Variants in CTNNA2 observed in about 807,000 individuals in gnomAD.
The protein encoded by CTNNA2 is catenin alpha 2.
A neutral mutation model predicts 101.0 loss-of-function variants in CTNNA2; 42 were observed. The ratio of observed to expected loss-of-function variants is 0.42; its 90% CI spans 0.32 to 0.54. CTNNA2 has a LOEUF of 0.54. CTNNA2 is among the 20% of genes least tolerant of loss of function. The pLI, the probability that CTNNA2 is intolerant of heterozygous loss-of-function variation, is 0.14. For missense variants in CTNNA2, 871 were observed against 1,223.1 expected (o/e 0.71, Z 4.29); for synonymous variants, 450 against 456.4 (o/e 0.99, Z 0.18).
At chr2:80,083,334 G>T (rs559318068) in intron 7 of CTNNA2, among the ~76,000 whole-genome samples, 1 of 152,224 alleles carries the variant, frequency 6.6e-6, no homozygotes, top group African/African-American at 2.4e-5. Context: ...CGGGAACATT[G>T]TTTTAATCTA....
rs539910600 is a variant in CTNNA2 at position 80,387,326 on chromosome 2, A to G, written c.1057-5885A>G. On this transcript the variant is annotated intron_variant, in intron 7 of 18. Coordinates refer to ENST00000402739, the MANE Select transcript of CTNNA2 (RefSeq NM_001282597.3). Reference sequence around the variant, plus strand: ...AATACTCATTTTCAGAGATTTATAAATTAATAATTTTTATTGCTTTTTGTT... The same window carrying G: ...AATACTCATTTTCAGAGATTTATAAGTTAATAATTTTTATTGCTTTTTGTT... Among the ~76,000 whole-genome samples, 52 of 152,312 alleles carry G rather than the reference A, an allele frequency of 3.4e-4. 1 individual carries two copies. In the South Asian group the frequency reaches 0.011, roughly 31 times the overall value.
intron 7 of CTNNA2, among the ~76,000 whole-genome samples, chr2:80,021,023 A>C (rs1383127357): frequency 9.2e-6 from 1 of 108,176 alleles, no homozygotes; most frequent in African/African-American, 4.7e-5. Flanking sequence ...TTTTTTTGAG[A>C]CAAGTTCTGG....
chr2:79,311,231 A>C (rs1005878608), intron 2 of CTNNA2, among the ~76,000 whole-genome samples: 33 of 151,970 alleles, frequency 2.2e-4, no homozygotes, highest in African/African-American at 8.0e-4. Flanking sequence ...AACACGGTGA[A>C]GCCCCGTCTC....
At chr2:80,083,522 A>G (rs716487) in intron 7 of CTNNA2, among the ~76,000 whole-genome samples, 44,863 of 151,818 alleles carry the variant, frequency 0.3, 7,400 homozygotes, top group East Asian at 0.58. Context: ...TCTCCAGTCA[A>G]ATTGAACATA....
chr2:79,888,483 T>A (rs1328438274), intron 6 of CTNNA2, among the ~76,000 whole-genome samples: 1 of 152,190 alleles, frequency 6.6e-6, no homozygotes, highest in Non-Finnish European at 1.5e-5. Flanking sequence ...ACCTTTCAAT[T>A]TTTTTACTTG....
At chr2:80,331,916 C>T (rs1037972658) in intron 7 of CTNNA2, among the ~76,000 whole-genome samples, 5 of 152,074 alleles carry the variant, frequency 3.3e-5, no homozygotes, top group African/African-American at 1.2e-4. Context: ...AATCCTTCTG[C>T]TTGTTGTGTC....
chr2:80,397,222 T>C (rs1678098698), intron 8 of CTNNA2, among the ~76,000 whole-genome samples: 2 of 152,200 alleles, frequency 1.3e-5, no homozygotes, highest in African/African-American at 4.8e-5. Flanking sequence ...AAAATCACTG[T>C]CCATAAAATG....
At chr2:79,610,187 C>T (rs951043723) in intron 1 of CTNNA2, among the ~76,000 whole-genome samples, 10 of 152,030 alleles carry the variant, frequency 6.6e-5, no homozygotes, top group African/African-American at 2.4e-4. Flanking sequence ...TCATTGGTCA[C>T]TAAGGATATG....
chr2:79,394,278 C>A (rs752327041), intron 4 of CTNNA2, among the ~76,000 whole-genome samples: 2 of 152,170 alleles, frequency 1.3e-5, no homozygotes, highest in African/African-American at 2.4e-5. Flanking sequence ...TGAAGGGGAG[C>A]CTCAGGCATA....
rs11267995 is a variant in CTNNA2 at position 79,384,376 on chromosome 2, TTCTCTCTCTCTCTCTCTC to T, written c.-135+10404_-135+10421del. Among the ~76,000 whole-genome samples the T allele has an allele frequency of 5.9e-3, 612 of 104,592 alleles. 2 individuals carry two copies. The highest frequency in any genetic ancestry group is 0.029 in the South Asian group (86 of 2,990). 68.6% of individuals were successfully genotyped at this position (104,592 alleles called of 152,430 possible). A position where few individuals can be genotyped will look rare whatever the true frequency, so the allele number is the denominator to read the frequency against. On this transcript the variant is annotated intron_variant, in intron 4 of 21. Coordinates refer to the CTNNA2 transcript ENST00000466387. ...CCCTGGTAATTTGAATGCATATTTC[TTCTCTCTCTCTCTCTCTC>T]TCTCTCTCTCTCTCTCTCTCTCTCT...
At chr2:79,948,951 G>C (rs4392287) in intron 7 of CTNNA2, among the ~76,000 whole-genome samples, 51,753 of 151,838 alleles carry the variant, frequency 0.34, 9,491 homozygotes, top group East Asian at 0.48. Flanking sequence ...CTGGGCGACA[G>C]AGCCAGACTC....
chr2:79,398,859 A>AAAG (rs1553408705), intron 4 of CTNNA2, among the ~76,000 whole-genome samples: 4 of 151,980 alleles, frequency 2.6e-5, no homozygotes, highest in African/African-American at 7.3e-5. Context: ...TAAAAAAAAA[A>AAAG]AAAGAAAAAA....
intron 7 of CTNNA2, among the ~76,000 whole-genome samples, chr2:80,206,518 G>A (rs950732154): frequency 2.0e-4 from 30 of 152,336 alleles, no homozygotes; most frequent in African/African-American, 6.7e-4. Flanking sequence ...TGTTTAATAA[G>A]CTTCTGTGGA....
At chr2:79,463,098 G>A (rs1335397223) in intron 4 of CTNNA2, among the ~76,000 whole-genome samples, 1 of 152,096 alleles carries the variant, frequency 6.6e-6, no homozygotes, top group Admixed American at 6.6e-5. Context: ...GGAAAACTGT[G>A]CTAACATAAA....
intron 7 of CTNNA2, among the ~76,000 whole-genome samples, chr2:80,146,686 T>G (rs1264496954): frequency 6.6e-6 from 1 of 151,052 alleles, no homozygotes; most frequent in Non-Finnish European, 1.5e-5. Context: ...TACTATCGTT[T>G]TCTGAAGTAG....
intron 7 of CTNNA2, among the ~76,000 whole-genome samples, chr2:79,922,362 G>A (rs1574319050): frequency 6.6e-6 from 1 of 152,188 alleles, no homozygotes; most frequent in African/African-American, 2.4e-5. Context: ...GGTGTTAGGA[G>A]GGATCAGTCC....
chr2:80,581,188 T>C (rs968431241), intron 13 of CTNNA2, among the ~76,000 whole-genome samples: 6 of 152,204 alleles, frequency 3.9e-5, no homozygotes, highest in Non-Finnish European at 7.3e-5. Context: ...AGATAGTTTA[T>C]TTATGAGCAC....
chr2:79,423,162 C>T (rs1296001581), intron 4 of CTNNA2, among the ~76,000 whole-genome samples: 1 of 152,044 alleles, frequency 6.6e-6, no homozygotes, highest in African/African-American at 2.4e-5. Flanking sequence ...TTTCTGAGAC[C>T]CCAGGATGTC....
intron 7 of CTNNA2, among the ~76,000 whole-genome samples, chr2:79,936,278 G>T (rs1356454901): frequency 3.4e-5 from 5 of 146,446 alleles, no homozygotes; most frequent in Non-Finnish European, 7.4e-5. Flanking sequence ...GTCACCCAGA[G>T]AATTTTCAGT....
Sources: allele counts gnomAD v4.1 joint callset (sites outside exome capture counted in the v4.1 genomes callset), GRCh38; gene constraint gnomAD v4.1.1; transcripts MANE v1.5; gene names NCBI Gene and HGNC (gene_info 2026-07-23, HGNC 2026-07-21).